KLF12: variants seen among roughly 807,000 people sequenced by gnomAD.
KLF12 encodes Krueppel-like factor 12.
Under a neutral mutation model 37.8 loss-of-function variants are expected in KLF12, and 9 were observed. That is an observed-to-expected ratio of 0.24 (90% CI 0.14 to 0.42). The LOEUF is 0.42. KLF12 is among the 10% of genes least tolerant of loss of function. KLF12 has a pLI of 1.00. For synonymous variants in KLF12, 208 were observed against 202.1 expected (o/e 1.03, Z -0.25); for missense variants, 411 against 516.0 (o/e 0.80, Z 1.97).
chr13:74,149,836 G>C, the KLF12 span, among the ~76,000 whole-genome samples: 1 of 152,064 alleles, frequency 6.6e-6, no homozygotes, highest in African/African-American at 2.4e-5. Context: ...TGGCCTCCTT[G>C]TTGTTCTGAA....
chr13:74,098,627 T>C (rs1876119908), intron 1 of KLF12, among the ~76,000 whole-genome samples: 1 of 152,244 alleles, frequency 6.6e-6, no homozygotes, highest in African/African-American at 2.4e-5. Context: ...TGAATGGCTA[T>C]ATCAAACCTC....
chr13:74,259,121 C>G, the KLF12 span: 1 of 152,228 alleles, frequency 6.6e-6, no homozygotes, highest in Non-Finnish European at 1.5e-5. Flanking sequence ...AGAGAAAGCC[C>G]GAGGATGGAG....
intron 1 of KLF12, among the ~76,000 whole-genome samples, chr13:74,114,213 G>A (rs1427968355): frequency 6.6e-6 from 1 of 152,034 alleles, no homozygotes; most frequent in Admixed American, 6.6e-5. Context: ...CCACCACCCC[G>A]ATCAGTCAGC....
At chr13:73,825,081 C>A (rs66567138) in intron 4 of KLF12, among the ~76,000 whole-genome samples, 1,466 of 88,540 alleles carry the variant, frequency 0.017, 16 homozygotes, top group African/African-American at 0.041. Flanking sequence ...AAAAAAAAAA[C>A]AATAGAAATA....
At chr13:74,012,700 T>C (rs1406028285) in intron 1 of KLF12, among the ~76,000 whole-genome samples, 4 of 152,216 alleles carry the variant, frequency 2.6e-5, no homozygotes, top group Non-Finnish European at 4.4e-5. Context: ...GTAAACAAAC[T>C]TGCTTAGCAG....
intron 7 of KLF12, among the ~76,000 whole-genome samples, chr13:73,712,588 G>T (rs1875486594): frequency 6.6e-6 from 1 of 152,196 alleles, no homozygotes; most frequent in Non-Finnish European, 1.5e-5. Flanking sequence ...AATTTAGAAA[G>T]AAGTTCTATG....
At chr13:73,796,497 TG>T (rs1881972923) in intron 5 of KLF12, among the ~76,000 whole-genome samples, 1 of 135,410 alleles carries the variant, frequency 7.4e-6, no homozygotes, top group Non-Finnish European at 1.6e-5. Flanking sequence ...TCTTTCTCCC[TG>T]CCCCTGTGCT....
the KLF12 span, among the ~76,000 whole-genome samples, chr13:74,292,598 A>G: frequency 6.6e-6 from 1 of 151,978 alleles, no homozygotes; most frequent in Non-Finnish European, 1.5e-5. Context: ...CCTTCTTGCA[A>G]CTTCCCAAAT....
chr13:73,773,814 T>C (rs1880418859), intron 5 of KLF12, among the ~76,000 whole-genome samples: 1 of 152,174 alleles, frequency 6.6e-6, no homozygotes, highest in African/African-American at 2.4e-5. Flanking sequence ...CTGTTTTCTG[T>C]TTCTTGCTCT....
chr13:74,191,690 A>G, the KLF12 span, among the ~76,000 whole-genome samples: 3 of 152,206 alleles, frequency 2.0e-5, no homozygotes, highest in Non-Finnish European at 4.4e-5. Flanking sequence ...TAGAAAGTAC[A>G]GAGCCTTAGA....
the KLF12 span, among the ~76,000 whole-genome samples, chr13:74,304,558 T>TA: frequency 6.6e-6 from 1 of 152,138 alleles, no homozygotes; most frequent in African/African-American, 2.4e-5. Flanking sequence ...ACTTAAAATT[T>TA]AAAAAATATA....
chr13:73,833,441 T>C (rs1167293286), intron 4 of KLF12, among the ~76,000 whole-genome samples: 1 of 152,184 alleles, frequency 6.6e-6, no homozygotes, highest in African/African-American at 2.4e-5. Context: ...AAACAATGTA[T>C]TCAAGAACAC....
At chr13:74,252,229 G>A in the KLF12 span, among the ~76,000 whole-genome samples, 5 of 152,250 alleles carry the variant, frequency 3.3e-5, no homozygotes, top group Admixed American at 1.3e-4. Context: ...TGGTTGCTGC[G>A]CTTCACCTTG....
the KLF12 span, among the ~76,000 whole-genome samples, chr13:74,216,054 G>C: frequency 6.6e-6 from 1 of 152,078 alleles, no homozygotes; most frequent in African/African-American, 2.4e-5. Flanking sequence ...TTGTAGTAAG[G>C]GGCACATTCA....
At chr13:74,280,409 G>A in the KLF12 span, among the ~76,000 whole-genome samples, 18 of 152,188 alleles carry the variant, frequency 1.2e-4, no homozygotes, top group African/African-American at 4.1e-4. Flanking sequence ...CTGAGTAAAG[G>A]TGTGGTCAGG....
At chr13:73,980,146 T>C (rs185429556) in intron 2 of KLF12, among the ~76,000 whole-genome samples, 13 of 152,332 alleles carry the variant, frequency 8.5e-5, no homozygotes, top group South Asian at 4.1e-4. Context: ...CTTACCCTAA[T>C]GCATTTGAAA....
chr13:74,014,261 G>A (rs552988563), intron 1 of KLF12, among the ~76,000 whole-genome samples: 3 of 152,294 alleles, frequency 2.0e-5, no homozygotes, highest in South Asian at 4.1e-4. Context: ...GTGGATAGAG[G>A]ACACCCCACT....
chr13:73,887,030 T>C (rs2138993009), intron 3 of KLF12, among the ~76,000 whole-genome samples: 1 of 152,026 alleles, frequency 6.6e-6, no homozygotes, highest in Admixed American at 6.6e-5. Context: ...AAGTATAACT[T>C]TTTTAGCATA....
At chr13:74,300,228 TA>T in the KLF12 span, among the ~76,000 whole-genome samples, 11,961 of 152,038 alleles carry the variant, frequency 0.079, 657 homozygotes, top group Admixed American at 0.14. Flanking sequence ...TCCTTGATAA[TA>T]AAAAAAAGTG....
Sources: allele counts gnomAD v4.1 joint callset (sites outside exome capture counted in the v4.1 genomes callset), GRCh38; gene constraint gnomAD v4.1.1; transcripts MANE v1.5; gene names NCBI Gene and HGNC (gene_info 2026-07-23, HGNC 2026-07-21).